The following CFAP206 variants were observed in gnomAD, a reference collection of about 807,000 sequenced individuals.
CFAP206 encodes the protein cilia- and flagella-associated protein 206.
A neutral mutation model predicts 65.4 loss-of-function variants in CFAP206; 53 were observed. The observed-to-expected ratio is 0.81, with a 90% CI of 0.65 to 1.02. The LOEUF (loss-of-function observed/expected upper bound fraction) is 1.02. CFAP206 is among the 50% of genes least tolerant of loss of function. The pLI is 0.00. For missense variants in CFAP206, 663 were observed against 753.2 expected (o/e 0.88, Z 1.40); for synonymous variants, 250 against 254.4 (o/e 0.98, Z 0.17).
rs770141893 is a variant in CFAP206, at chr6:87,415,875, G to C, written c.472+1G>C. On this transcript the variant is annotated splice_donor_variant, in intron 5 of 12. Transcript: ENST00000369562. LOFTEE classifies it high-confidence loss of function. ...ATCAAGACTGTCAGAGAGGTAACAG[G>C]TAAAAAGTATAACCAATTTCCATTT... The C allele has an allele frequency of 6.6e-7, 1 of 1,506,112 alleles. No individual in the cohort carries two copies. The highest frequency in any genetic ancestry group is 8.9e-7 in the Non-Finnish European group (1 of 1,125,376). The allele number at this position is 1,506,112 out of a possible 1,614,324, so 93.3% of individuals were successfully genotyped here. A position where few individuals can be genotyped will look rare whatever the true frequency, so the allele number is the denominator to read the frequency against.
intron 11 of CFAP206, chr6:87,444,841 G>T: frequency 1.8e-6 from 1 of 554,148 alleles, no homozygotes; most frequent in Non-Finnish European, 3.5e-6. Context: ...ACAGACAAGG[G>T]GCAAGATCAT....
chr6:87,413,749 G>A (rs1767775793), intron 3 of CFAP206, 61 bp from the exon 4 acceptor site: 1 of 981,802 alleles, frequency 1.0e-6, no homozygotes. Flanking sequence ...AATAACTTTA[G>A]GAAATACTTG....
intron 11 of CFAP206, among the ~76,000 whole-genome samples, chr6:87,460,575 T>C (rs542719697): frequency 3.0e-4 from 45 of 152,178 alleles, no homozygotes; most frequent in South Asian, 8.3e-4. Context: ...GAGCTAAAAA[T>C]TGGGTACACA....
rs1267769058 is a variant in CFAP206, at chr6:87,449,211, C to G, written c.1495-11811C>G. Among the ~76,000 whole-genome samples, 8 of 151,904 alleles carry G rather than the reference C, an allele frequency of 5.3e-5. No homozygotes were observed. In the East Asian group the frequency reaches 1.4e-3, roughly 26 times the overall value. On this transcript the variant is annotated intron_variant, in intron 11 of 12. Transcript: ENST00000369562. ...CAACACTTTGGGAGGCCGAGGTGGG[C>G]AGATTATGAGGTCAGGAGATTGAGA...
At chr6:87,428,490 T>C in intron 8 of CFAP206, 136 bp from the exon 9 acceptor site, 3 of 703,316 alleles carry the variant, frequency 4.3e-6, no homozygotes, top group South Asian at 3.6e-5. Context: ...TAAAGTCTAC[T>C]GTCTAAGTTC....
chr6:87,456,274 C>T (rs752528952), intron 11 of CFAP206, among the ~76,000 whole-genome samples: 1 of 152,050 alleles, frequency 6.6e-6, no homozygotes, highest in Non-Finnish European at 1.5e-5. Flanking sequence ...TTTAATTGGT[C>T]ATATGCTTTA....
intron 12 of CFAP206, among the ~76,000 whole-genome samples, chr6:87,461,595 C>A (rs960577195): frequency 6.6e-6 from 1 of 152,080 alleles, no homozygotes; most frequent in Non-Finnish European, 1.5e-5. Flanking sequence ...ATATAGATAC[C>A]TACCCTTAAA....
chr6:87,427,626 C>T (rs1768068884), intron 8 of CFAP206, among the ~76,000 whole-genome samples: 1 of 152,098 alleles, frequency 6.6e-6, no homozygotes, highest in South Asian at 2.1e-4. Flanking sequence ...TCTCACTGGC[C>T]TCAAATATTT....
intron 11 of CFAP206, among the ~76,000 whole-genome samples, chr6:87,448,010 G>T (rs1276550124): frequency 1.4e-5 from 2 of 144,112 alleles, no homozygotes; most frequent in South Asian, 2.2e-4. Context: ...GAACGTGCAG[G>T]TTTGTTAAAT....
At position 87,435,016 on chromosome 6, in the gene CFAP206, T is replaced by G; in HGVS notation, c.1457T>G (p.Leu486Arg). The change falls in exon 11 of 13, where the codon CTT (leucine) becomes CGT (arginine). Residue 486 changes from leucine to arginine, a missense_variant. Coordinates refer to ENST00000369562, the MANE Select transcript of CFAP206 (RefSeq NM_001031743.3). Reference protein sequence around the residue: ...KNTELIQLLELHQQFETFIPY... With the variant: ...KNTELIQLLERHQQFETFIPY... Reference sequence around the variant, plus strand: ...ACAGAGTTAATTCAACTATTGGAACTTCATCAACAGTTTGAAACATTTATT... The same window carrying G: ...ACAGAGTTAATTCAACTATTGGAACGTCATCAACAGTTTGAAACATTTATT... The G allele has an allele frequency of 6.2e-7, 1 of 1,607,136 alleles. No homozygotes were observed. Among genetic ancestry groups the G allele is most frequent in the Non-Finnish European group, 8.5e-7 (1 of 1,176,592 alleles).
At chr6:87,455,046 C>T (rs1234428413) in intron 11 of CFAP206, among the ~76,000 whole-genome samples, 1 of 151,746 alleles carries the variant, frequency 6.6e-6, no homozygotes, top group African/African-American at 2.4e-5. Context: ...CCTCAGCCTC[C>T]CAAGTAGCTG....
At chr6:87,456,687 C>A (rs1173424830) in intron 11 of CFAP206, among the ~76,000 whole-genome samples, 1 of 152,122 alleles carries the variant, frequency 6.6e-6, no homozygotes, top group Non-Finnish European at 1.5e-5. Context: ...ACGAAATCAA[C>A]ATACAAAAAT....
In CFAP206 at chr6:87,461,083, C is replaced by T. The variant is rs200719189; in HGVS notation, c.1556C>T (p.Thr519Met). The change falls in exon 12 of 13, where the codon ACG becomes ATG. Residue 519 changes from threonine (T) to methionine (M), a missense_variant. Thr to Met is a moderately conservative substitution (Grantham distance 81). Transcript: ENST00000369562. ...PITKCESSTQ[T>M]NTHILPPTIV... ...ACAAAATGTGAAAGTAGCACACAGACGAATACACACATACTGCCACCAACG... is the reference window on the plus strand; with the variant it reads ...ACAAAATGTGAAAGTAGCACACAGATGAATACACACATACTGCCACCAACG... 5.0e-5 allele frequency: 80 copies of T among 1,591,880 alleles called. No individual in the cohort carries two copies. In the East Asian group the frequency reaches 1.0e-3, roughly 20 times the overall value.
chr6:87,450,152 G>T lies in CFAP206; in HGVS notation c.1495-10870G>T, dbSNP rs74501272. Among the ~76,000 whole-genome samples, 137 of 152,140 alleles carry T rather than the reference G, an allele frequency of 9.0e-4. 6 individuals carry two copies. The East Asian group carries it at 0.018, about 20-fold the overall frequency. Reference sequence around the variant, plus strand: ...TGTAAATGTGTGGATTTATTTCTGGGTTCTGTATTCTATTCTATTAGTCTC... The same window carrying T: ...TGTAAATGTGTGGATTTATTTCTGGTTTCTGTATTCTATTCTATTAGTCTC... On this transcript the variant is annotated intron_variant, in intron 11 of 12. Transcript: ENST00000369562.
intron 11 of CFAP206, among the ~76,000 whole-genome samples, chr6:87,453,677 A>G (rs897812903): frequency 3.3e-5 from 5 of 152,178 alleles, no homozygotes; most frequent in Admixed American, 1.3e-4. Flanking sequence ...GTTTAAAATA[A>G]TGGGTTATAA....
intron 11 of CFAP206, among the ~76,000 whole-genome samples, chr6:87,437,596 T>A (rs540363239): frequency 3.3e-5 from 5 of 152,178 alleles, no homozygotes; most frequent in East Asian, 1.9e-4. Context: ...GTGCTTTTTT[T>A]AAAATCTTAT....
At chr6:87,430,633 A>G (rs942784715) in intron 9 of CFAP206, among the ~76,000 whole-genome samples, 1 of 152,206 alleles carries the variant, frequency 6.6e-6, no homozygotes, top group Admixed American at 6.5e-5. Context: ...TCTGGGTCAC[A>G]TAGCAGCCAG....
At chr6:87,429,264 G>C (rs1331819325) in intron 9 of CFAP206, among the ~76,000 whole-genome samples, 1 of 150,692 alleles carries the variant, frequency 6.6e-6, no homozygotes, top group African/African-American at 2.4e-5. Context: ...ATGTTTATGA[G>C]AGGAGATGTG....
At chr6:87,421,428 G>A (rs1233952532) in intron 7 of CFAP206, among the ~76,000 whole-genome samples, 6 of 152,168 alleles carry the variant, frequency 3.9e-5, no homozygotes, top group Non-Finnish European at 8.8e-5. Context: ...AGAGGTTGCA[G>A]TGAGCTGAGA....
Sources: gnomAD v4.1 joint callset for allele counts (sites outside exome capture counted in the v4.1 genomes callset) on GRCh38, gnomAD v4.1.1 for gene constraint, MANE v1.5 for transcripts, NCBI Gene and HGNC (gene_info 2026-07-23, HGNC 2026-07-21) for gene names.